TTC7A: variants seen among roughly 807,000 people sequenced by gnomAD.
The protein encoded by TTC7A is tetratricopeptide repeat protein 7A.
In TTC7A, 110 loss-of-function variants were observed where a neutral mutation model predicts 103.7. The observed-to-expected ratio is 1.06, with a 90% CI of 0.91 to 1.24. TTC7A has a LOEUF of 1.24. TTC7A is among the 50% of genes most tolerant of loss of function. The pLI is 0.00. For missense variants in TTC7A, 1,340 were observed against 1,116.3 expected, an observed-to-expected ratio of 1.20 and a Z score of -2.86; for synonymous variants, 521 against 467.9, an observed-to-expected ratio of 1.11 and a Z score of -1.47.
intron 3 of TTC7A, among the ~76,000 whole-genome samples, chr2:46,958,276 C>T (rs773425313): frequency 2.6e-5 from 4 of 152,234 alleles, no homozygotes; most frequent in African/African-American, 9.6e-5. Context: ...GGGTGGTCTT[C>T]GTCCTTTGCT....
At chr2:46,960,316 A>G (rs1361736554) in intron 3 of TTC7A, among the ~76,000 whole-genome samples, 2 of 152,194 alleles carry the variant, frequency 1.3e-5, no homozygotes, top group African/African-American at 2.4e-5. Context: ...CCCTGGACAG[A>G]GCCTCCCCTG....
At chr2:47,027,360 A>G (rs1680026850) in intron 14 of TTC7A, among the ~76,000 whole-genome samples, 2 of 152,216 alleles carry the variant, frequency 1.3e-5, no homozygotes, top group African/African-American at 2.4e-5. Flanking sequence ...CACCAAACAC[A>G]GGCTTAGCAG....
chr2:47,050,166 C>A, intron 17 of TTC7A, 120 bp downstream of exon 17: 1 of 843,776 alleles, frequency 1.2e-6, no homozygotes, highest in Non-Finnish European at 1.9e-6. Context: ...CCACCACTGG[C>A]TCCTTGCCAG....
At chr2:46,988,105 G>C (rs1215021480) in intron 5 of TTC7A, among the ~76,000 whole-genome samples, 1 of 152,100 alleles carries the variant, frequency 6.6e-6, no homozygotes, top group Non-Finnish European at 1.5e-5. Context: ...CATGCTTTGG[G>C]GCAGAGGGTA....
intron 10 of TTC7A, among the ~76,000 whole-genome samples, chr2:47,009,408 C>G (rs1677771108): frequency 6.6e-6 from 1 of 152,144 alleles, no homozygotes; most frequent in African/African-American, 2.4e-5. Flanking sequence ...TCCTGAGTGA[C>G]CGCACAACGC....
At chr2:46,957,901 G>A (rs1672025411) in intron 3 of TTC7A, among the ~76,000 whole-genome samples, 1 of 152,110 alleles carries the variant, frequency 6.6e-6, no homozygotes, top group Non-Finnish European at 1.5e-5. Flanking sequence ...TTGGTGCCTG[G>A]CATTTGTAGA....
upstream of TTC7A, among the ~76,000 whole-genome samples, chr2:46,936,245 GCTA>G (rs1361027812): frequency 2.0e-5 from 3 of 151,954 alleles, no homozygotes; most frequent in Admixed American, 2.0e-4. Context: ...TACTAACAAC[GCTA>G]CTACTTGTCT....
At chr2:47,005,082 GC>G (rs1460878280) in intron 8 of TTC7A, among the ~76,000 whole-genome samples, 1 of 152,222 alleles carries the variant, frequency 6.6e-6, no homozygotes, top group Non-Finnish European at 1.5e-5. Context: ...CAGCCATCTG[GC>G]AACTCTGTGA....
At chr2:46,993,713 C>A (rs1362944055) in intron 6 of TTC7A, among the ~76,000 whole-genome samples, 185 bp downstream of exon 6, 2 of 152,182 alleles carry the variant, frequency 1.3e-5, no homozygotes, top group African/African-American at 4.8e-5. Context: ...CCTCTTTCCC[C>A]CCGCGGCATT....
At chr2:47,003,542 C>T (rs1037319180) in intron 8 of TTC7A, among the ~76,000 whole-genome samples, 3 of 152,148 alleles carry the variant, frequency 2.0e-5, no homozygotes, top group Admixed American at 6.5e-5. Flanking sequence ...TCCTGATGGC[C>T]ATAGTGATGG....
At chr2:46,945,030 G>C (rs1670812984) in intron 1 of TTC7A, among the ~76,000 whole-genome samples, 2 of 152,024 alleles carry the variant, frequency 1.3e-5, no homozygotes, top group African/African-American at 4.8e-5. Flanking sequence ...ATACAGTAAA[G>C]GTCAAAAAAA....
intron 2 of TTC7A, among the ~76,000 whole-genome samples, chr2:46,955,813 C>T (rs1005651414): frequency 2.6e-5 from 4 of 152,200 alleles, no homozygotes; most frequent in African/African-American, 9.7e-5. Context: ...CTGCCAGTGA[C>T]AAATGCCAGG....
At chr2:47,048,435 G>C (rs1197650855) in intron 16 of TTC7A, among the ~76,000 whole-genome samples, 7 of 152,108 alleles carry the variant, frequency 4.6e-5, no homozygotes, top group African/African-American at 1.7e-4. Context: ...ATCTGCCCAT[G>C]TTGTCTCATT....
chr2:47,064,602 G>T (rs929292320), intron 19 of TTC7A, among the ~76,000 whole-genome samples: 2 of 152,198 alleles, frequency 1.3e-5, no homozygotes, highest in African/African-American at 4.8e-5. Context: ...TCTCTGCTCT[G>T]CCACCTCCCT....
In TTC7A at chr2:46,994,512, CAAGT is replaced by C. The variant is rs587776971; in HGVS notation, c.1001+3_1001+6del. 43 of 1,613,646 alleles carry C rather than the reference CAAGT, an allele frequency of 2.7e-5. No homozygotes were observed. Among genetic ancestry groups the C allele is most frequent in the Non-Finnish European group, 3.5e-5 (41 of 1,179,822 alleles). On this transcript the variant is annotated splice_donor_variant and coding_sequence_variant, in exon 7 of 20. Coordinates refer to ENST00000319190, the MANE Select transcript of TTC7A (RefSeq NM_020458.4). LOFTEE classifies it high-confidence loss of function. ...GGAAACCTCACCTCTATGAAGGAGA[CAAGT>C]AAGTTCTGCCTGCCCTGCTGCACCT...
intron 19 of TTC7A, among the ~76,000 whole-genome samples, chr2:47,069,491 CA>C: frequency 6.6e-6 from 1 of 152,240 alleles, no homozygotes; most frequent in South Asian, 2.1e-4. Flanking sequence ...TTTTGAGGCC[CA>C]GGGGGCTCTG....
intron 3 of TTC7A, among the ~76,000 whole-genome samples, chr2:46,972,044 C>T (rs1378034005): frequency 6.6e-6 from 1 of 152,088 alleles, no homozygotes; most frequent in Admixed American, 6.5e-5. Flanking sequence ...CACTCATACA[C>T]TGGAAATTTC....
At chr2:47,042,702 G>GTGTGTGTGTATA (rs111460716) in intron 15 of TTC7A, among the ~76,000 whole-genome samples, 88 of 142,720 alleles carry the variant, frequency 6.2e-4, no homozygotes, top group African/African-American at 5.3e-4. Flanking sequence ...GTGTGTGTGT[G>GTGTGTGTGTATA]TATATATATG....
chr2:46,934,479 GAA>G (rs1445101602), intron 2 of TTC7A, among the ~76,000 whole-genome samples: 6 of 152,024 alleles, frequency 3.9e-5, no homozygotes, highest in Non-Finnish European at 7.4e-5. Context: ...GGCTGGTCTT[GAA>G]CTGGCTGGTC....
Sources: gnomAD v4.1 joint callset for allele counts (sites outside exome capture counted in the v4.1 genomes callset) on GRCh38, gnomAD v4.1.1 for gene constraint, MANE v1.5 for transcripts, NCBI Gene and HGNC (gene_info 2026-07-23, HGNC 2026-07-21) for gene names.